The following CAPN7 variants were observed in gnomAD, a reference collection of about 807,000 sequenced individuals.
The protein encoded by CAPN7 is calpain-7.
In CAPN7, 72 loss-of-function variants were observed where a neutral mutation model predicts 115.2. That is an observed-to-expected ratio of 0.63 (90% CI 0.52 to 0.76). CAPN7 has a LOEUF of 0.76. CAPN7 is among the 30% of genes least tolerant of loss of function. The pLI is 0.00. For missense variants in CAPN7, 905 were observed against 971.5 expected, an observed-to-expected ratio of 0.93 and a Z score of 0.91; for synonymous variants, 344 against 322.3, an observed-to-expected ratio of 1.07 and a Z score of -0.72.
intron 1 of CAPN7, chr3:15,210,684 T>G (rs1335952466): frequency 3.8e-5 from 26 of 688,926 alleles, no homozygotes; most frequent in Non-Finnish European, 5.6e-5. Flanking sequence ...AGCCTCCACC[T>G]CCCAGGGCTC....
chr3:15,241,687 A>G (rs1268173918), intron 15 of CAPN7, 99 bp downstream of exon 15: 7 of 933,134 alleles, frequency 7.5e-6, no homozygotes, highest in African/African-American at 3.3e-5. Flanking sequence ...TTTAATTTAC[A>G]TAGGTGCCCT....
In CAPN7 at chr3:15,206,583, G is replaced by A. The variant is rs2044635832; in HGVS notation, c.88G>A (p.Val30Met). 1 of 1,549,746 alleles carries A rather than the reference G, an allele frequency of 6.5e-7. No homozygotes were observed. Among genetic ancestry groups the A allele is most frequent in the Non-Finnish European group, 8.7e-7 (1 of 1,146,792 alleles). ...CCACGAAGGCCGCTACTCCGAGGCG[G>A]TGTTTTATTACAAGGTAGGGCCGGG... ...RDHEGRYSEAVFYYKEAAQAL... is the reference protein window; with the variant it reads ...RDHEGRYSEAMFYYKEAAQAL... The change falls in exon 1 of 21, where the codon GTG becomes ATG. Residue 30 changes from valine to methionine, a missense_variant. Val to Met is a conservative substitution (Grantham distance 21). Coordinates refer to ENST00000253693, the MANE Select transcript of CAPN7 (RefSeq NM_014296.3).
At chr3:15,232,394 C>T (rs1007946515) in intron 9 of CAPN7, 125 bp from the exon 10 acceptor site, 2 of 674,338 alleles carry the variant, frequency 3.0e-6, no homozygotes, top group South Asian at 4.6e-5. Flanking sequence ...GAAACATTAC[C>T]TTAATAGCCG....
chr3:15,251,043 T>C lies in CAPN7; in HGVS notation c.2297+20T>C, dbSNP rs757293834. 6.2e-7 allele frequency: 1 copy of C among 1,602,506 alleles called. No homozygotes were observed. The highest frequency in any genetic ancestry group is 1.1e-5 in the South Asian group (1 of 90,556). On this transcript the variant is annotated intron_variant, in intron 20 of 20. Coordinates refer to ENST00000253693, the MANE Select transcript of CAPN7 (RefSeq NM_014296.3). ...CTATAGGTAATGTTGGCATTTTTAT[T>C]GTATCTATTTTATACTTTACTTTTT... is the stretch of plus-strand genomic sequence containing the variant.
At chr3:15,224,265 A>ATTTTTTTTTTTTTTT (rs113901975) in intron 6 of CAPN7, among the ~76,000 whole-genome samples, 1 of 145,204 alleles carries the variant, frequency 6.9e-6, no homozygotes, top group African/African-American at 2.5e-5. Context: ...GATGTCCCAA[A>ATTTTTTTTTTTTTTT]TTTTTTTTTT....
At chr3:15,236,539 T>G (rs1695002842) in intron 12 of CAPN7, among the ~76,000 whole-genome samples, 1 of 152,232 alleles carries the variant, frequency 6.6e-6, no homozygotes, top group Non-Finnish European at 1.5e-5. Flanking sequence ...GCACATGGAT[T>G]TACAGTCACG....
rs1365799502 is a variant in CAPN7, at chr3:15,252,691, T to C, written c.*1431T>C. 1 of 152,054 alleles carries C rather than the reference T, an allele frequency of 6.6e-6. No homozygotes were observed. Among genetic ancestry groups the C allele is most frequent in the Non-Finnish European group, 1.5e-5 (1 of 68,024 alleles). 9.4% of individuals were successfully genotyped at this position (152,054 alleles called of 1,614,324 possible). A position where few individuals can be genotyped will look rare whatever the true frequency, so the allele number is the denominator to read the frequency against. Reference sequence around the variant, plus strand: ...TATGAACAACTTAAAGGCACTGATTTCTATAATAGAGCTCTAAAAACATGC... The same window carrying C: ...TATGAACAACTTAAAGGCACTGATTCCTATAATAGAGCTCTAAAAACATGC... On this transcript the variant is annotated 3_prime_UTR_variant, in exon 21 of 21. Transcript: ENST00000253693.
intron 2 of CAPN7, among the ~76,000 whole-genome samples, chr3:15,216,567 ATAT>A (rs1229535860): frequency 1.1e-4 from 17 of 152,316 alleles, no homozygotes; most frequent in African/African-American, 3.1e-4. Context: ...TCAAATGAAA[ATAT>A]TATTTCAAAG....
Position 15,217,431 on chromosome 3 carries a change from C to A in CAPN7, c.218C>A (p.Ser73Ter), listed in dbSNP as rs1693701202. The change falls in exon 3 of 21, where the codon TCA (serine) becomes TAA (stop). Residue 73 changes from serine to a stop codon, truncating the protein, a stop_gained. Transcript: ENST00000253693. LOFTEE classifies it high-confidence loss of function. ...RVQALHSAVQ[S>*]KSADPLKSKH... ...ATTTTTTTTTCTATCCTAGTTCAGT[C>A]AAAGAGTGCTGATCCTTTGAAGTCA... The A allele has an allele frequency of 6.2e-7, 1 of 1,608,970 alleles. No individual in the cohort carries two copies. Among genetic ancestry groups the A allele is most frequent in the Admixed American group, 1.7e-5 (1 of 59,294 alleles).
chr3:15,207,658 C>G (rs1442119456), intron 1 of CAPN7, among the ~76,000 whole-genome samples: 1 of 127,312 alleles, frequency 7.9e-6, no homozygotes, highest in Admixed American at 7.7e-5. Context: ...TTTTTTTATT[C>G]TTTAGTTAAA....
intron 2 of CAPN7, among the ~76,000 whole-genome samples, chr3:15,215,970 C>G (rs2045227394): frequency 6.6e-6 from 1 of 152,106 alleles, no homozygotes; most frequent in Non-Finnish European, 1.5e-5. Context: ...CATGTAGTCC[C>G]AGCTACTTGG....
intron 1 of CAPN7, among the ~76,000 whole-genome samples, chr3:15,209,237 C>T (rs938139143): frequency 2.0e-5 from 3 of 152,028 alleles, no homozygotes; most frequent in Admixed American, 6.5e-5. Flanking sequence ...CTCAAACTCC[C>T]GACCTCAGGT....
At chr3:15,225,201 T>C (rs926281625) in intron 6 of CAPN7, among the ~76,000 whole-genome samples, 1 of 152,254 alleles carries the variant, frequency 6.6e-6, no homozygotes, top group Non-Finnish European at 1.5e-5. Context: ...GTTACTAAGT[T>C]ATATAACAAT....
At chr3:15,245,335 T>C (rs562608551) in intron 16 of CAPN7, among the ~76,000 whole-genome samples, 191 bp from the exon 17 acceptor site, 5 of 152,222 alleles carry the variant, frequency 3.3e-5, no homozygotes, top group African/African-American at 1.2e-4. Flanking sequence ...TTCAAAAAGA[T>C]TATTTTTGTT....
At chr3:15,224,216 AAAAAATGTTCCCATTACAGAAATC>A (rs1488847437) in intron 6 of CAPN7, among the ~76,000 whole-genome samples, 2 of 152,232 alleles carry the variant, frequency 1.3e-5, no homozygotes, top group Non-Finnish European at 2.9e-5. Flanking sequence ...ACTGTAGGAA[AAAAAATGTTCCCATTACAGAAATC>A]AAAAAGAAAA....
At chr3:15,237,708 C>T (rs1366904187) in intron 12 of CAPN7, among the ~76,000 whole-genome samples, 1 of 152,046 alleles carries the variant, frequency 6.6e-6, no homozygotes, top group African/African-American at 2.4e-5. Flanking sequence ...CGTGGGTCAC[C>T]CCTATAATCC....
At chr3:15,238,531 A>G (rs17040889) in intron 12 of CAPN7, among the ~76,000 whole-genome samples, 7,968 of 152,180 alleles carry the variant, frequency 0.052, 727 homozygotes, top group African/African-American at 0.18. Context: ...GTATTACATC[A>G]TTGGTGACTT....
In CAPN7 at chr3:15,229,553, CTTTTTTTCTT is replaced by C. The variant is rs1340860039; in HGVS notation, c.938+502_938+511del. Among the ~76,000 whole-genome samples the C allele has an allele frequency of 2.3e-4, 20 of 88,298 alleles. 1 individual carries two copies. The highest frequency in any genetic ancestry group is 7.6e-4 in the African/African-American group (20 of 26,310). 57.9% of individuals were successfully genotyped at this position (88,298 alleles called of 152,430 possible). ...GATTAAAACATCAAAATTGGTTTTA[CTTTTTTTCTT>C]TTTTTTTTTTTTTTTTTTTTTTTTT... On this transcript the variant is annotated intron_variant, in intron 8 of 20. Coordinates refer to ENST00000253693, the MANE Select transcript of CAPN7 (RefSeq NM_014296.3).
At position 15,206,473 on chromosome 3, in the gene CAPN7, C is replaced by A. The variant is rs1235944633; in HGVS notation, c.-23C>A. 4 of 1,528,350 alleles carry A rather than the reference C, an allele frequency of 2.6e-6. No individual in the cohort carries two copies. The highest frequency in any genetic ancestry group is 1.4e-5 in the African/African-American group (1 of 70,766). The allele number at this position is 1,528,350 out of a possible 1,614,324, so 94.7% of individuals were successfully genotyped here. ...TCCTGCGTCAGGGCCTCCTTCCCTGCCCCGGCGCGGGGCCACTGCGCCATG... is the reference window on the plus strand; with the variant it reads ...TCCTGCGTCAGGGCCTCCTTCCCTGACCCGGCGCGGGGCCACTGCGCCATG... On this transcript the variant is annotated 5_prime_UTR_variant, in exon 1 of 21. Transcript: ENST00000253693.
Sources: allele counts gnomAD v4.1 joint callset (sites outside exome capture counted in the v4.1 genomes callset), GRCh38; gene constraint gnomAD v4.1.1; transcripts MANE v1.5; gene names NCBI Gene and HGNC (gene_info 2026-07-23, HGNC 2026-07-21).